GSDMD: variants seen among roughly 807,000 people sequenced by gnomAD.
GSDMD encodes the protein gasdermin D.
In GSDMD, 46 loss-of-function variants were observed where a neutral mutation model predicts 46.7. That is an observed-to-expected ratio of 0.99 (90% CI 0.78 to 1.26). The LOEUF (loss-of-function observed/expected upper bound fraction) is 1.26, where lower values mean the gene tolerates loss of function less well. Ranked by LOEUF, GSDMD falls within the 50% of genes most tolerant of loss-of-function variation. GSDMD has a pLI of 0.00. For synonymous variants in GSDMD, 307 were observed against 283.1 expected (o/e 1.08, Z -0.85); for missense variants, 649 against 638.8 (o/e 1.02, Z -0.17).
upstream of GSDMD, among the ~76,000 whole-genome samples, chr8:143,555,581 C>T (rs954122367): frequency 2.6e-5 from 4 of 152,208 alleles, no homozygotes; most frequent in African/African-American, 9.6e-5. Flanking sequence ...CTTCCATCTT[C>T]ACCATGGAGG....
chr8:143,560,999 CAG>C lies in GSDMD; in HGVS notation c.580-2_580-1del. On this transcript the variant is annotated splice_acceptor_variant, in intron 4 of 10. Coordinates refer to ENST00000262580, the MANE Select transcript of GSDMD (RefSeq NM_024736.7). LOFTEE classifies it high-confidence loss of function. The stretch of plus-strand genomic sequence containing the variant: ...CAGCCCCGAGCCCATCTCCATGCCT[CAG>C]GGTGAGGGCCAGGGCCATCTGAGCC... The C allele has an allele frequency of 6.2e-7, 1 of 1,612,166 alleles. No homozygotes were observed. The highest frequency in any genetic ancestry group is 8.5e-7 in the Non-Finnish European group (1 of 1,179,558).
rs143242888 is a variant in GSDMD at position 143,561,378 on chromosome 8, C to T, written c.691C>T (p.Leu231Phe). ...TCCCGTCTGGCTGCCAGACGTCCTT[C>T]TCTTCCCGGATAAGAAGCAGAGGAC... ...LVIDSDLDVLLFPDKKQRTFQ... is the reference protein window; with the variant it reads ...LVIDSDLDVLFFPDKKQRTFQ... Residue 231 changes from leucine to phenylalanine, a missense_variant, in exon 6 of 11, where the codon CTC becomes TTC. Transcript: ENST00000262580. The T allele has an allele frequency of 2.3e-4, 364 of 1,610,074 alleles. No individual in the cohort carries two copies. The African/African-American group carries it at 4.5e-3, about 20-fold the overall frequency.
At chr8:143,556,521 G>A (rs1823299177), upstream of GSDMD, among the ~76,000 whole-genome samples, 1 of 152,226 alleles carries the variant, frequency 6.6e-6, no homozygotes. Flanking sequence ...CTCCAGCCTG[G>A]GCGACAGAGA....
Position 143,561,033 on chromosome 8 carries a change from A to G in GSDMD, c.611A>G (p.Lys204Arg). The G allele has an allele frequency of 6.8e-6, 11 of 1,613,038 alleles. No homozygotes were observed. Among genetic ancestry groups the G allele is most frequent in the Non-Finnish European group, 8.5e-6 (10 of 1,179,966 alleles). Residue 204 changes from lysine (K) to arginine (R), a missense_variant, in exon 5 of 11, where the codon AAG becomes AGG. Lys to Arg is a conservative substitution (Grantham distance 26). Coordinates refer to ENST00000262580, the MANE Select transcript of GSDMD (RefSeq NM_024736.7). ...GEGQGHLSQKKTVTIPSGSTL... is the reference protein window; with the variant it reads ...GEGQGHLSQKRTVTIPSGSTL... Reference sequence around the variant, plus strand: ...GGCCAGGGCCATCTGAGCCAGAAGAAGACGGTCACCATCCCCTCAGGCAGC... The same window carrying G: ...GGCCAGGGCCATCTGAGCCAGAAGAGGACGGTCACCATCCCCTCAGGCAGC...
At position 143,562,497 on chromosome 8, in the gene GSDMD, G is replaced by T; in HGVS notation, c.1188G>T (p.Gln396His). The change falls in exon 10 of 11, where the codon CAG (glutamine) becomes CAT (histidine). Residue 396 changes from glutamine (Q) to histidine (H), a missense_variant. By Grantham distance (24) the Gln-to-His change is conservative. Transcript: ENST00000262580. ...HKLLAEALES[Q>H]TLLGPLELVG... ...TGCTGGCGGAGGCGCTGGAGTCGCA[G>T]ACCCTGTTGGGGCCGCTCGAGCTGG... 3 of 1,608,358 alleles carry T rather than the reference G, an allele frequency of 1.9e-6. No homozygotes were observed. The highest frequency in any genetic ancestry group is 1.7e-6 in the Non-Finnish European group (2 of 1,179,644).
At chr8:143,559,639 C>T in intron 2 of GSDMD, 87 bp downstream of exon 2, 5 of 1,447,164 alleles carry the variant, frequency 3.5e-6, no homozygotes. Context: ...CTGGGCTCTG[C>T]AGCCTCTAGC....
Position 143,558,411 on chromosome 8 carries a change from G to T in GSDMD, c.-45G>T. ...CGCCGGACGGCTCCCAGGGAGAGCA[G>T]ACGCGCCAGACGCGCCACCCTCGGG... On this transcript the variant is annotated 5_prime_UTR_variant, in exon 1 of 11. Transcript: ENST00000262580. 6.6e-7 allele frequency: 1 copy of T among 1,508,132 alleles called. No homozygotes were observed. The highest frequency in any genetic ancestry group is 8.8e-7 in the Non-Finnish European group (1 of 1,134,996). The allele number at this position is 1,508,132 out of a possible 1,614,324, so 93.4% of individuals were successfully genotyped here. A position where few individuals can be genotyped will look rare whatever the true frequency, so the allele number is the denominator to read the frequency against.
upstream of GSDMD, chr8:143,557,900 CTTGT>C (rs1460063622): frequency 1.4e-5 from 6 of 444,424 alleles, no homozygotes; most frequent in Non-Finnish European, 4.5e-6. Flanking sequence ...TGTTTGTTTG[CTTGT>C]TTGTTTTTGA....
In GSDMD at chr8:143,559,069, G is replaced by A. The variant is rs940748624; in HGVS notation, c.-4-263G>A. On this transcript the variant is annotated intron_variant, in intron 1 of 10. Transcript: ENST00000262580. ...AGTGGACAGAGCCCTCTGTGTTAGA[G>A]CAGGTCTGGGCGTCAGGCCTCACTG... The A allele has an allele frequency of 5.1e-6, 3 of 591,144 alleles. No homozygotes were observed. The African/African-American group carries it at 5.6e-5, about 11-fold the overall frequency. The allele number at this position is 591,144 out of a possible 1,614,324, so 36.6% of individuals were successfully genotyped here.
chr8:143,562,367 G>T lies in GSDMD; in HGVS notation c.1138+17G>T. 1 of 1,545,164 alleles carries T rather than the reference G, an allele frequency of 6.5e-7. No homozygotes were observed. ...CACTGACCAGTGAGCGGCCGCTGGG[G>T]GCAGGTGGCGGGTGGGAGGGAGGGA... On this transcript the variant is annotated intron_variant, in intron 9 of 10. Coordinates refer to ENST00000262580, the MANE Select transcript of GSDMD (RefSeq NM_024736.7).
chr8:143,562,268 C>T lies in GSDMD; in HGVS notation c.1056C>T (p.Val352=), dbSNP rs759330208. The T allele has an allele frequency of 6.4e-7, 1 of 1,557,540 alleles. No individual in the cohort carries two copies. The highest frequency in any genetic ancestry group is 8.7e-7 in the Non-Finnish European group (1 of 1,152,132). Residue 352 remains valine (V), a synonymous_variant, in exon 9 of 11, where the codon GTC becomes GTT. Transcript: ENST00000262580. ...VEPLDGPAGA[V]LECLVLSSGM... ...CCCTGGACGGTCCAGCAGGTGCTGT[C>T]CTGGAGTGCCTGGTGTTGTCCTCCG...
At chr8:143,558,124 C>G (rs1426759905), upstream of GSDMD, 6 of 539,962 alleles carry the variant, frequency 1.1e-5, no homozygotes, top group Admixed American at 7.2e-5. Context: ...GAACTCCCGA[C>G]CTCAGGTGAT....
At chr8:143,560,808 C>T (rs1563906147) in intron 4 of GSDMD, 37 bp downstream of exon 4, 11 of 1,486,238 alleles carry the variant, frequency 7.4e-6, no homozygotes, top group African/African-American at 5.7e-5. Flanking sequence ...TGGCCCCCCA[C>T]GTGGGCATGC....
At chr8:143,562,168 G>T in intron 8 of GSDMD, 37 bp downstream of exon 8, 1 of 1,594,380 alleles carries the variant, frequency 6.3e-7, no homozygotes, top group Non-Finnish European at 8.5e-7. Context: ...CACAAGGCCT[G>T]CCCAGCCAGC....
upstream of GSDMD, among the ~76,000 whole-genome samples, chr8:143,554,517 G>T (rs577847457): frequency 1.2e-3 from 174 of 149,516 alleles, no homozygotes; most frequent in Non-Finnish European, 2.2e-3. Context: ...ACGCACGTGT[G>T]TGCTCACGTG....
chr8:143,561,437 GC>G lies in GSDMD; in HGVS notation c.736+19del. On this transcript the variant is annotated intron_variant, in intron 6 of 10. Transcript: ENST00000262580. Reference sequence around the variant, plus strand: ...CACCCGCGACAGGTGAGAGCCGAGAGCCCCCAGCATGGGGTGTCCGGTGGGA... The same window carrying G: ...CACCCGCGACAGGTGAGAGCCGAGAGCCCCAGCATGGGGTGTCCGGTGGGA... 2 of 1,609,134 alleles carry G rather than the reference GC, an allele frequency of 1.2e-6. No individual in the cohort carries two copies. Among genetic ancestry groups the G allele is most frequent in the Non-Finnish European group, 1.7e-6 (2 of 1,178,492 alleles).
chr8:143,562,405 C>G (rs772911987), intron 9 of GSDMD, 43 bp from the exon 10 acceptor site: 1 of 1,565,012 alleles, frequency 6.4e-7, no homozygotes, highest in African/African-American at 1.4e-5. Flanking sequence ...TGGGCTTTCC[C>G]GGTGGGCGTT....
At position 143,562,914 on chromosome 8, in the gene GSDMD, G is replaced by T. The variant is rs180976682; in HGVS notation, c.*10G>T. 6.2e-7 allele frequency: 1 copy of T among 1,611,658 alleles called. No homozygotes were observed. Among genetic ancestry groups the T allele is most frequent in the Non-Finnish European group, 8.5e-7 (1 of 1,179,942 alleles). Reference sequence around the variant, plus strand: ...CCAGGAGCCCCACTAGCCTGTGCCCGGGCATGGCCTGGCAGCTCTCCAGCA... The same window carrying T: ...CCAGGAGCCCCACTAGCCTGTGCCCTGGCATGGCCTGGCAGCTCTCCAGCA... On this transcript the variant is annotated 3_prime_UTR_variant, in exon 11 of 11. Transcript: ENST00000262580.
At chr8:143,560,358 G>A (rs1383007933) in intron 3 of GSDMD, 4 of 656,460 alleles carry the variant, frequency 6.1e-6, no homozygotes, top group Non-Finnish European at 1.1e-5. Context: ...AAGGGGTGGT[G>A]TGAACACGGG....
Sources: gnomAD v4.1 joint callset for allele counts (sites outside exome capture counted in the v4.1 genomes callset) on GRCh38, gnomAD v4.1.1 for gene constraint, MANE v1.5 for transcripts, NCBI Gene and HGNC (gene_info 2026-07-23, HGNC 2026-07-21) for gene names.